Variants in NOCT observed in about 807,000 individuals in gnomAD.
NOCT encodes the protein nocturnin.
A neutral mutation model predicts 35.0 loss-of-function variants in NOCT; 18 were observed. The observed-to-expected ratio is 0.51, with a 90% CI of 0.36 to 0.76. The LOEUF is 0.76. NOCT is among the 30% of genes least tolerant of loss of function. NOCT has a pLI of 0.01. For synonymous variants in NOCT, 235 were observed against 226.3 expected (o/e 1.04, Z -0.34); for missense variants, 479 against 541.0 (o/e 0.89, Z 1.14).
Position 139,016,001 on chromosome 4 carries a change from G to C in NOCT, c.20G>C (p.Arg7Pro). MFHSPRRLCSALLQRDA... is the reference protein window; with the variant it reads MFHSPRPLCSALLQRDA... ...CCCGGCATGTTTCATAGTCCGCGGC[G>C]GCTCTGCTCGGCCCTGCTGCAGAGG... The change falls in exon 1 of 3, where the codon CGG becomes CCG. Residue 7 changes from arginine to proline, a missense_variant. Around this residue, in one of 2 missense-constraint regions of NOCT, gnomAD observed 265 missense variants for 257.0 expected, o/e 1.03. Transcript: ENST00000280614. 8.7e-6 allele frequency: 12 copies of C among 1,387,130 alleles called. No individual in the cohort carries two copies. The highest frequency in any genetic ancestry group is 1.1e-5 in the Non-Finnish European group (12 of 1,072,446). 85.9% of individuals were successfully genotyped at this position (1,387,130 alleles called of 1,614,324 possible). A position where few individuals can be genotyped will look rare whatever the true frequency, so the allele number is the denominator to read the frequency against.
At chr4:139,031,519 T>A (rs1726624775) in intron 1 of NOCT, among the ~76,000 whole-genome samples, 1 of 151,862 alleles carries the variant, frequency 6.6e-6, no homozygotes, top group Non-Finnish European at 1.5e-5. Flanking sequence ...GGGTCTCGAC[T>A]GTTGGGGTTG....
chr4:139,041,300 T>A (rs913178382), intron 1 of NOCT, among the ~76,000 whole-genome samples: 2 of 152,236 alleles, frequency 1.3e-5, no homozygotes, highest in Non-Finnish European at 2.9e-5. Context: ...ACTGCTAGTT[T>A]GAGATGTGAT....
rs1578621331 is a variant in NOCT, at chr4:139,015,879, C to G, written c.-103C>G. 2 of 940,518 alleles carry G rather than the reference C, an allele frequency of 2.1e-6. No homozygotes were observed. Among genetic ancestry groups the G allele is most frequent in the Admixed American group, 9.1e-5 (2 of 22,002 alleles). The allele number at this position is 940,518 out of a possible 1,614,324, so 58.3% of individuals were successfully genotyped here. A position where few individuals can be genotyped will look rare whatever the true frequency, so the allele number is the denominator to read the frequency against. On this transcript the variant is annotated 5_prime_UTR_variant, in exon 1 of 3. In the 5' UTR this introduces an upstream ATG that the reference lacks. Transcript: ENST00000280614. ...CGCGCGAGAAGGAGCCTGGGAGCAT[C>G]CGCCCACACTGCCCGGACAGTCGGC...
chr4:139,039,818 C>G (rs974393552), intron 1 of NOCT, among the ~76,000 whole-genome samples: 1 of 152,118 alleles, frequency 6.6e-6, no homozygotes, highest in Non-Finnish European at 1.5e-5. Context: ...ACCTCCTCCT[C>G]CCGAGTTCAA....
chr4:139,024,101 C>T (rs1726472679), intron 1 of NOCT, among the ~76,000 whole-genome samples: 1 of 149,174 alleles, frequency 6.7e-6, no homozygotes, highest in Admixed American at 6.8e-5. Context: ...CACTTTGTCA[C>T]CCAGGCTGGA....
rs1295803336 is a variant in NOCT, at chr4:139,045,285, A to G, written c.1107A>G (p.Ser369=). 2 of 1,614,016 alleles carry G rather than the reference A, an allele frequency of 1.2e-6. No homozygotes were observed. The highest frequency in any genetic ancestry group is 1.3e-5 in the African/African-American group (1 of 74,910). Residue 369 remains serine, a synonymous_variant, in exon 3 of 3, where the codon TCA becomes TCG. Coordinates refer to ENST00000280614, the MANE Select transcript of NOCT (RefSeq NM_012118.4). ...PPYTTWKIRT[S]GECRHTLDYI... Reference sequence around the variant, plus strand: ...ACACTACCTGGAAGATCCGGACCTCAGGGGAGTGCAGGCACACCCTGGATT... The same window carrying G: ...ACACTACCTGGAAGATCCGGACCTCGGGGGAGTGCAGGCACACCCTGGATT...
At chr4:139,029,433 G>A (rs1157705269) in intron 1 of NOCT, among the ~76,000 whole-genome samples, 2 of 152,176 alleles carry the variant, frequency 1.3e-5, no homozygotes, top group Non-Finnish European at 2.9e-5. Flanking sequence ...CTGCGGAACC[G>A]CAGGCCGAAC....
In NOCT at chr4:139,044,746, A is replaced by G; in HGVS notation, c.568A>G (p.Ile190Val). The G allele has an allele frequency of 6.2e-7, 1 of 1,614,178 alleles. No homozygotes were observed. The highest frequency in any genetic ancestry group is 8.5e-7 in the Non-Finnish European group (1 of 1,179,996). ...LEEILAYQPD[I>V]LCLQEVDHYF... is the part of the protein sequence containing the mutation. ...AGAAATCCTGGCCTACCAGCCTGAT[A>G]TATTGTGCCTCCAAGAGGTGGACCA... Residue 190 changes from isoleucine to valine, a missense_variant, in exon 3 of 3, where the codon ATA (isoleucine) becomes GTA (valine). Transcript: ENST00000280614.
At chr4:139,025,809 A>C (rs1443779531) in intron 1 of NOCT, among the ~76,000 whole-genome samples, 1 of 152,046 alleles carries the variant, frequency 6.6e-6, no homozygotes, top group Non-Finnish European at 1.5e-5. Context: ...GTCTCAAAAA[A>C]AAAAAAAAAA....
intron 1 of NOCT, among the ~76,000 whole-genome samples, chr4:139,032,959 G>A (rs910167302): frequency 3.3e-5 from 5 of 152,170 alleles, no homozygotes; most frequent in Admixed American, 2.6e-4. Flanking sequence ...CAGCTACTTG[G>A]GAGGCTGAGG....
At chr4:139,033,731 A>G (rs78478075) in intron 1 of NOCT, among the ~76,000 whole-genome samples, 6,299 of 151,846 alleles carry the variant, frequency 0.041, 146 homozygotes, top group Middle Eastern at 0.11. Context: ...GTGAGAAACA[A>G]TGAGACTTGT....
At chr4:139,033,969 C>G (rs1415752137) in intron 1 of NOCT, among the ~76,000 whole-genome samples, 1 of 152,096 alleles carries the variant, frequency 6.6e-6, no homozygotes, top group African/African-American at 2.4e-5. Context: ...AATGATCCAC[C>G]CACCTCAGCC....
intron 1 of NOCT, among the ~76,000 whole-genome samples, chr4:139,026,259 G>A (rs555671296): frequency 4.0e-5 from 6 of 151,874 alleles, no homozygotes; most frequent in African/African-American, 1.4e-4. Flanking sequence ...GCGCTACCAC[G>A]CCCAGCTAAT....
chr4:139,015,894 G>A lies in NOCT; in HGVS notation c.-88G>A. The A allele has an allele frequency of 1.8e-6, 2 of 1,092,272 alleles. No individual in the cohort carries two copies. The highest frequency in any genetic ancestry group is 1.2e-6 in the Non-Finnish European group (1 of 851,172). The allele number at this position is 1,092,272 out of a possible 1,614,324, so 67.7% of individuals were successfully genotyped here. ...CTGGGAGCATCCGCCCACACTGCCC[G>A]GACAGTCGGCTCGACTCGGTGCCCT... On this transcript the variant is annotated 5_prime_UTR_variant, in exon 1 of 3. Coordinates refer to ENST00000280614, the MANE Select transcript of NOCT (RefSeq NM_012118.4).
rs1277842971 is a variant in NOCT at position 139,015,965 on chromosome 4, T to TGGC, written c.-9_-7dup. 4 of 1,338,748 alleles carry TGGC rather than the reference T, an allele frequency of 3.0e-6. No individual in the cohort carries two copies. Among genetic ancestry groups the TGGC allele is most frequent in the East Asian group, 3.2e-5 (1 of 31,308 alleles). 82.9% of individuals were successfully genotyped at this position (1,338,748 alleles called of 1,614,324 possible). A position where few individuals can be genotyped will look rare whatever the true frequency, so the allele number is the denominator to read the frequency against. The stretch of plus-strand genomic sequence containing the variant: ...TCCTCGGGCGCGCGAGGGGCCGTGG[T>TGGC]GGCGGCGGCGCCCGGCATGTTTCAT... On this transcript the variant is annotated 5_prime_UTR_variant, in exon 1 of 3. Transcript: ENST00000280614.
rs1726293484 is a variant in NOCT, at chr4:139,016,125, G to T, written c.144G>T (p.Ala48=). The T allele has an allele frequency of 2.3e-6, 3 of 1,285,494 alleles. No homozygotes were observed. Among genetic ancestry groups the T allele is most frequent in the South Asian group, 2.7e-5 (1 of 37,416 alleles). The allele number at this position is 1,285,494 out of a possible 1,614,324, so 79.6% of individuals were successfully genotyped here. ...VPRPASPRLL[A]AASAASGAAR... ...GGCCCGCATCCCCCCGGCTGCTGGC[G>T]GCGGCCTCGGCGGCCTCGGGCGCCG... The change falls in exon 1 of 3, where the codon GCG becomes GCT. Residue 48 remains alanine (A), a synonymous_variant. Coordinates refer to ENST00000280614, the MANE Select transcript of NOCT (RefSeq NM_012118.4).
intron 1 of NOCT, among the ~76,000 whole-genome samples, chr4:139,024,045 CTTTTTT>C (rs368349308): frequency 0.43 from 56,050 of 131,044 alleles, 11,430 homozygotes; most frequent in Middle Eastern, 0.49. Flanking sequence ...TCTATTCATC[CTTTTTT>C]TTTTTTTTTT....
At position 139,037,507 on chromosome 4, in the gene NOCT, G is replaced by A. The variant is rs577147475; in HGVS notation, c.191-5567G>A. Among the ~76,000 whole-genome samples the A allele has an allele frequency of 2.6e-5, 4 of 152,012 alleles. No individual in the cohort carries two copies. In the East Asian group the frequency reaches 5.8e-4, roughly 22 times the overall value. ...CTGGTCTCGAACTCCTGGACTCCAG[G>A]GAACCTCCTGCCTCAGCCTCCGAAA... is the stretch of plus-strand genomic sequence containing the variant. On this transcript the variant is annotated intron_variant, in intron 1 of 2. Transcript: ENST00000280614.
chr4:139,015,991 A>G lies in NOCT; in HGVS notation c.10A>G (p.Ser4Gly). The G allele has an allele frequency of 7.3e-7, 1 of 1,376,210 alleles. No individual in the cohort carries two copies. The highest frequency in any genetic ancestry group is 9.4e-7 in the Non-Finnish European group (1 of 1,067,258). The allele number at this position is 1,376,210 out of a possible 1,614,324, so 85.2% of individuals were successfully genotyped here. Residue 4 changes from serine (S) to glycine (G), a missense_variant, in exon 1 of 3, where the codon AGT becomes GGT. Transcript: ENST00000280614. The part of the protein sequence containing the change: MFH[S>G]PRRLCSALLQ... Reference sequence around the variant, plus strand: ...GGCGGCGGCGCCCGGCATGTTTCATAGTCCGCGGCGGCTCTGCTCGGCCCT... The same window carrying G: ...GGCGGCGGCGCCCGGCATGTTTCATGGTCCGCGGCGGCTCTGCTCGGCCCT...
Sources: gnomAD v4.1 joint callset for allele counts (sites outside exome capture counted in the v4.1 genomes callset) on GRCh38, gnomAD v4.1.1 for gene constraint, gnomAD v4.1.1 regional missense constraint, MANE v1.5 for transcripts, NCBI Gene and HGNC (gene_info 2026-07-23, HGNC 2026-07-21) for gene names.